The following POLR3B variants were observed in gnomAD, a reference collection of about 807,000 sequenced individuals.
The protein encoded by POLR3B is DNA-directed RNA polymerase III subunit RPC2.
A neutral mutation model predicts 147.4 loss-of-function variants in POLR3B; 96 were observed. The ratio of observed to expected loss-of-function variants is 0.65; its 90% CI spans 0.55 to 0.77. The LOEUF (loss-of-function observed/expected upper bound fraction) is 0.77, where lower values mean the gene tolerates loss of function less well. Ranked by LOEUF, POLR3B falls within the 30% of genes least tolerant of loss-of-function variation. POLR3B has a pLI of 0.00. For missense variants in POLR3B, 1,036 were observed against 1,413.5 expected (o/e 0.73, Z 4.28); for synonymous variants, 461 against 485.9 (o/e 0.95, Z 0.67).
intron 9 of POLR3B, among the ~76,000 whole-genome samples, chr12:106,389,161 AAT>A (rs2036881357): frequency 6.6e-6 from 1 of 152,228 alleles, no homozygotes; most frequent in South Asian, 2.1e-4. Context: ...TTTCCATAGC[AAT>A]ATGTCATTTA....
chr12:106,401,793 G>C (rs1177218305), intron 10 of POLR3B, among the ~76,000 whole-genome samples: 1 of 152,088 alleles, frequency 6.6e-6, no homozygotes, highest in South Asian at 2.1e-4. Context: ...AATAAATTAG[G>C]TATTGATGGG....
intron 1 of POLR3B, among the ~76,000 whole-genome samples, chr12:106,360,279 G>C (rs866828511): frequency 1.3e-5 from 2 of 152,194 alleles, no homozygotes; most frequent in Middle Eastern, 6.8e-3. Flanking sequence ...TGCTCTTAGG[G>C]CAAAATCTAG....
rs542150519 is a variant in POLR3B at position 106,459,533 on chromosome 12, A to G, written c.2570+165A>G. Among the ~76,000 whole-genome samples, 13 of 152,326 alleles carry G rather than the reference A, an allele frequency of 8.5e-5. 1 individual carries two copies. In the South Asian group the frequency reaches 2.5e-3, roughly 29 times the overall value. ...ATGGCATAGAAGATAAAGCTAGTCT[A>G]TGGAATCATATAGGCCCTAAACTGG... On this transcript the variant is annotated intron_variant, in intron 22 of 27. Coordinates refer to ENST00000228347, the MANE Select transcript of POLR3B (RefSeq NM_018082.6).
chr12:106,390,773 T>A (rs1031492474), intron 9 of POLR3B, among the ~76,000 whole-genome samples: 3 of 152,046 alleles, frequency 2.0e-5, no homozygotes, highest in African/African-American at 7.2e-5. Flanking sequence ...AAAGTTGGTA[T>A]ATTAGTTATC....
chr12:106,443,817 G>A lies in POLR3B; in HGVS notation c.1956-646G>A, dbSNP rs533816471. Among the ~76,000 whole-genome samples the A allele has an allele frequency of 5.3e-5, 8 of 150,094 alleles. No homozygotes were observed. The South Asian group carries it at 6.3e-4, about 12-fold the overall frequency. ...ATTATAGGCGTGAGCCACTGCATCC[G>A]GCCTATAGTACCTATTCTTTTTTTT... On this transcript the variant is annotated intron_variant, in intron 18 of 27. Transcript: ENST00000228347.
intron 26 of POLR3B, among the ~76,000 whole-genome samples, chr12:106,501,859 A>T (rs903478145): frequency 6.6e-6 from 1 of 152,214 alleles, no homozygotes; most frequent in Non-Finnish European, 1.5e-5. Flanking sequence ...TTTAAAACTA[A>T]TGTTATTGAA....
chr12:106,423,221 A>G (rs745488057), intron 12 of POLR3B, among the ~76,000 whole-genome samples: 3 of 152,176 alleles, frequency 2.0e-5, no homozygotes, highest in Non-Finnish European at 2.9e-5. Context: ...TTATTCCCCA[A>G]ATTATGTTGT....
At chr12:106,423,447 T>A (rs956040852) in intron 12 of POLR3B, among the ~76,000 whole-genome samples, 1 of 152,208 alleles carries the variant, frequency 6.6e-6, no homozygotes, top group African/African-American at 2.4e-5. Context: ...CAATGTGCTG[T>A]CTGCAAGCTG....
chr12:106,467,309 C>T (rs1396416400), intron 23 of POLR3B, among the ~76,000 whole-genome samples: 5 of 152,092 alleles, frequency 3.3e-5, no homozygotes, highest in South Asian at 2.1e-4. Context: ...TTTTGTATCC[C>T]AAGACTTTGC....
intron 23 of POLR3B, among the ~76,000 whole-genome samples, chr12:106,471,696 G>A (rs191605906): frequency 1.3e-5 from 2 of 152,076 alleles, no homozygotes; most frequent in Non-Finnish European, 2.9e-5. Flanking sequence ...ACACTTAATA[G>A]ATAGTAGTTA....
chr12:106,503,976 G>C, intron 26 of POLR3B, 105 bp from the exon 27 acceptor site: 1 of 1,036,220 alleles, frequency 9.7e-7, no homozygotes, highest in East Asian at 2.4e-5. Context: ...TTTGGATCCA[G>C]ATGAGCCCTG....
intron 23 of POLR3B, among the ~76,000 whole-genome samples, chr12:106,487,006 C>T (rs1343954672): frequency 1.3e-5 from 2 of 152,228 alleles, no homozygotes; most frequent in Non-Finnish European, 2.9e-5. Context: ...GCACTTGGAA[C>T]CTTCACATGC....
chr12:106,400,814 A>G (rs547379412), intron 10 of POLR3B, among the ~76,000 whole-genome samples: 4 of 152,228 alleles, frequency 2.6e-5, no homozygotes, highest in Non-Finnish European at 5.9e-5. Flanking sequence ...TCTCTGGGAC[A>G]CATTCAAAGC....
intron 23 of POLR3B, among the ~76,000 whole-genome samples, chr12:106,472,344 G>C (rs561697714): frequency 6.6e-6 from 1 of 151,784 alleles, no homozygotes; most frequent in African/African-American, 2.4e-5. Flanking sequence ...TGTCTTTATA[G>C]CAGCATGATT....
At chr12:106,431,106 A>G (rs1001554602) in intron 14 of POLR3B, among the ~76,000 whole-genome samples, 3 of 152,170 alleles carry the variant, frequency 2.0e-5, no homozygotes, top group Non-Finnish European at 4.4e-5. Context: ...TCAAGCTCCT[A>G]ACATAGAGCC....
intron 12 of POLR3B, among the ~76,000 whole-genome samples, chr12:106,424,216 A>G (rs1431532793): frequency 1.3e-5 from 2 of 152,024 alleles, no homozygotes; most frequent in Non-Finnish European, 1.5e-5. Context: ...ATAAACCAGG[A>G]GTTAAATCTA....
intron 1 of POLR3B, among the ~76,000 whole-genome samples, chr12:106,359,371 G>A (rs568593335): frequency 3.7e-5 from 5 of 136,618 alleles, no homozygotes; most frequent in South Asian, 2.2e-4. Context: ...TAGCTCTGTC[G>A]CCCAGGCTGG....
In POLR3B at chr12:106,393,016, T is replaced by C. The variant is rs745441455; in HGVS notation, c.724-15T>C. On this transcript the variant is annotated splice_polypyrimidine_tract_variant and intron_variant, in intron 9 of 27. Transcript: ENST00000228347. Reference sequence around the variant, plus strand: ...ACAAAGCCAACACTCTTTCTATCTTTTCTTTCCTTCCTAGGCCATGGGTGT... The same window carrying C: ...ACAAAGCCAACACTCTTTCTATCTTCTCTTTCCTTCCTAGGCCATGGGTGT... 3.1e-5 allele frequency: 50 copies of C among 1,613,954 alleles called. No homozygotes were observed. The highest frequency in any genetic ancestry group is 4.1e-5 in the Non-Finnish European group (48 of 1,179,920).
At chr12:106,450,453 A>G (rs1207657574) in intron 19 of POLR3B, among the ~76,000 whole-genome samples, 1 of 152,206 alleles carries the variant, frequency 6.6e-6, no homozygotes, top group African/African-American at 2.4e-5. Flanking sequence ...TTTGCAATAC[A>G]TATATCTGAT....
Sources: allele counts gnomAD v4.1 joint callset (sites outside exome capture counted in the v4.1 genomes callset), GRCh38; gene constraint gnomAD v4.1.1; transcripts MANE v1.5; gene names NCBI Gene and HGNC (gene_info 2026-07-23, HGNC 2026-07-21).